The following TEX11 variants were observed in gnomAD, a reference collection of about 807,000 sequenced individuals.
The protein encoded by TEX11 is testis-expressed protein 11.
In TEX11, 7 loss-of-function variants were observed where a neutral mutation model predicts 84.4. The ratio of observed to expected loss-of-function variants is 0.08; its 90% CI spans 0.05 to 0.16. The LOEUF (loss-of-function observed/expected upper bound fraction) is 0.16. TEX11 is among the 10% of genes least tolerant of loss of function. The pLI is 1.00. For missense variants in TEX11, 551 were observed against 660.5 expected, an observed-to-expected ratio of 0.83 and a Z score of 1.82; for synonymous variants, 264 against 222.8, an observed-to-expected ratio of 1.18 and a Z score of -1.64.
chrX:70,675,576 T>G (rs2090064132), intron 15 of TEX11, among the ~76,000 whole-genome samples: 1 of 109,413 alleles, frequency 9.1e-6, no homozygotes, highest in African/African-American at 3.3e-5. Context: ...CCTCTCTCTC[T>G]CTCTCTTCTT....
chrX:70,731,141 C>T (rs989145919), intron 11 of TEX11, among the ~76,000 whole-genome samples: 2 of 111,948 alleles, frequency 1.8e-5, no homozygotes, highest in African/African-American at 6.5e-5. Context: ...ATCTCTGGGA[C>T]ACATTCAAAG....
intron 9 of TEX11, among the ~76,000 whole-genome samples, chrX:70,749,621 T>C (rs911650336): frequency 2.0e-5 from 2 of 101,572 alleles, no homozygotes; most frequent in African/African-American, 3.6e-5. Context: ...ATTGAGAGTT[T>C]TTAGCATGAA....
rs1415293261 is a variant in TEX11 at position 70,670,082 on chromosome X, A to ATCT, written c.1380+294_1380+295insAGA. 3.3e-4 allele frequency among the ~76,000 whole-genome samples: 37 copies of ATCT among 112,455 alleles called. No homozygotes were observed. The East Asian group carries it at 8.9e-3, about 27-fold the overall frequency. Reference sequence around the variant, plus strand: ...GCAAAGGACAATATTACAGATGGTTAGTAGCAGATAACTTTGTTCAGGAGT... The same window carrying ATCT: ...GCAAAGGACAATATTACAGATGGTTATCTGTAGCAGATAACTTTGTTCAGGAGT... On this transcript the variant is annotated intron_variant, in intron 16 of 29. Transcript: ENST00000374333.
At position 70,850,906 on chromosome X, in the gene TEX11, CA is replaced by C. The variant is rs981833629; in HGVS notation, c.525+2127del. On this transcript the variant is annotated intron_variant, in intron 7 of 29. Coordinates refer to ENST00000374333, the MANE Select transcript of TEX11 (RefSeq NM_031276.3). ...GCAACATAGCAAAACCTTGTCTCTA[CA>C]AAAAAAAGATAAAAATAAATAAATG... 4.5e-5 allele frequency among the ~76,000 whole-genome samples: 5 copies of C among 109,989 alleles called. No homozygotes were observed. The East Asian group carries it at 1.4e-3, about 31-fold the overall frequency.
intron 13 of TEX11, among the ~76,000 whole-genome samples, chrX:70,690,495 C>T (rs1030242485): frequency 7.2e-5 from 8 of 110,976 alleles, no homozygotes; most frequent in African/African-American, 1.6e-4. Context: ...AAGTTCGGGA[C>T]GAGCCTGGGC....
intron 25 of TEX11, among the ~76,000 whole-genome samples, chrX:70,565,259 T>C (rs1045393272): frequency 3.6e-5 from 4 of 110,682 alleles, no homozygotes; most frequent in African/African-American, 1.3e-4. Context: ...GGTTTTTTTT[T>C]TTCTTGTAAA....
chrX:70,735,057 ATTT>A (rs988162707), intron 11 of TEX11, among the ~76,000 whole-genome samples: 1 of 106,625 alleles, frequency 9.4e-6, no homozygotes, highest in African/African-American at 3.4e-5. Context: ...AAAAAATATG[ATTT>A]TTTTTTTTTG....
At chrX:70,754,298 T>C (rs914083067) in intron 9 of TEX11, among the ~76,000 whole-genome samples, 2 of 111,158 alleles carry the variant, frequency 1.8e-5, no homozygotes, top group Non-Finnish European at 3.8e-5. Context: ...TGGTCAGCAG[T>C]AGTCAGGCAG....
intron 9 of TEX11, among the ~76,000 whole-genome samples, chrX:70,797,548 T>C (rs1318521482): frequency 9.1e-6 from 1 of 109,694 alleles, no homozygotes; most frequent in Admixed American, 9.8e-5. Context: ...AGGCCAGCAT[T>C]ACCCTAATAT....
At chrX:70,535,060 G>A (rs2076038100) in intron 28 of TEX11, among the ~76,000 whole-genome samples, 1 of 111,494 alleles carries the variant, frequency 9.0e-6, no homozygotes, top group Non-Finnish European at 1.9e-5. Context: ...AAGATAAATG[G>A]GGCCAGGCAG....
chrX:70,646,784 T>A (rs1474790308), intron 17 of TEX11, among the ~76,000 whole-genome samples: 2 of 111,962 alleles, frequency 1.8e-5, no homozygotes, highest in Non-Finnish European at 3.8e-5. Context: ...TAGGTGGGAA[T>A]GTAAATTAGT....
intron 8 of TEX11, among the ~76,000 whole-genome samples, chrX:70,808,035 C>T (rs1400677584): frequency 3.3e-5 from 3 of 90,129 alleles, no homozygotes; most frequent in South Asian, 6.1e-4. Flanking sequence ...ACCCAGGAGG[C>T]GGAGGTTGCA....
At chrX:70,577,326 G>T (rs1447777281) in intron 25 of TEX11, among the ~76,000 whole-genome samples, 1 of 111,759 alleles carries the variant, frequency 8.9e-6, no homozygotes, top group Non-Finnish European at 1.9e-5. Flanking sequence ...GCCATATGCA[G>T]ATTAAAATTG....
chrX:70,650,354 G>T (rs1366693676), intron 17 of TEX11, among the ~76,000 whole-genome samples: 1 of 111,618 alleles, frequency 9.0e-6, no homozygotes, highest in Non-Finnish European at 1.9e-5. Flanking sequence ...TAAAAGGGTT[G>T]ATCTGATGTT....
the TEX11 span, among the ~76,000 whole-genome samples, chrX:70,523,428 T>C: frequency 9.0e-6 from 1 of 111,662 alleles, no homozygotes; most frequent in African/African-American, 3.3e-5. Flanking sequence ...TGGGGAATCA[T>C]GGGGAATGAG....
intron 7 of TEX11, among the ~76,000 whole-genome samples, chrX:70,846,535 C>T (rs1258859349): frequency 8.9e-6 from 1 of 112,225 alleles, no homozygotes; most frequent in Non-Finnish European, 1.9e-5. Flanking sequence ...CATTGCCTCG[C>T]CACCCATTCA....
the TEX11 span, among the ~76,000 whole-genome samples, chrX:70,513,805 G>A: frequency 9.2e-6 from 1 of 108,602 alleles, no homozygotes; most frequent in African/African-American, 3.4e-5. Flanking sequence ...ATCTGATAAA[G>A]AGAACTTTAA....
rs2088338745 is a variant in TEX11 at position 70,559,732 on chromosome X, A to G, written c.2141-4932T>C. On this transcript the variant is annotated intron_variant, in intron 25 of 29. Transcript: ENST00000374333. ...TATTCCATTGTATGAACATACCACA[A>G]TTTATTTAATCTATCATTCTGCTGA... 3.6e-5 allele frequency among the ~76,000 whole-genome samples: 4 copies of G among 112,266 alleles called. No individual in the cohort carries two copies. The Admixed American group carries it at 3.8e-4, about 11-fold the overall frequency.
chrX:70,864,995 G>T (rs984552188), intron 4 of TEX11, among the ~76,000 whole-genome samples: 1 of 110,818 alleles, frequency 9.0e-6, no homozygotes, highest in East Asian at 2.8e-4. Context: ...CAATTAACGA[G>T]CAAAATAACC....
Sources: allele counts gnomAD v4.1 joint callset (sites outside exome capture counted in the v4.1 genomes callset), GRCh38; gene constraint gnomAD v4.1.1; transcripts MANE v1.5; gene names NCBI Gene and HGNC (gene_info 2026-07-23, HGNC 2026-07-21).